NAA60: variants seen among roughly 807,000 people sequenced by gnomAD.
NAA60 encodes the protein N-alpha-acetyltransferase 60, NatF catalytic subunit, also known as N-alpha-acetyltransferase 60.
NAA60 carries 8 observed loss-of-function variants against 26.1 expected under a neutral mutation model. That is an observed-to-expected ratio of 0.31 (90% CI 0.18 to 0.55). NAA60 has a LOEUF of 0.55. NAA60 is among the 20% of genes least tolerant of loss of function. NAA60 has a pLI of 0.93. For synonymous variants in NAA60, 131 were observed against 122.5 expected (o/e 1.07, Z -0.46); for missense variants, 290 against 311.3 (o/e 0.93, Z 0.51).
chr16:3,484,660 G>A (rs1387206577), intron 6 of NAA60, 39 bp from the exon 7 acceptor site: 1 of 1,562,310 alleles, frequency 6.4e-7, no homozygotes, highest in Non-Finnish European at 8.7e-7. Flanking sequence ...TGGCGAGCGT[G>A]GTCAGGGCAA....
chr16:3,458,644 C>G (rs2035163687), intron 2 of NAA60, among the ~76,000 whole-genome samples: 1 of 152,158 alleles, frequency 6.6e-6, no homozygotes, highest in African/African-American at 2.4e-5. Flanking sequence ...ACTTGTTGCG[C>G]CGATTGGAGT....
intron 5 of NAA60, chr16:3,482,857 G>C: frequency 1.8e-6 from 1 of 556,894 alleles, no homozygotes; most frequent in Non-Finnish European, 3.2e-6. Context: ...CAGCCCCCAG[G>C]ATGGAGCTGA....
intron 2 of NAA60, among the ~76,000 whole-genome samples, chr16:3,456,207 G>A (rs2034986031): frequency 6.6e-6 from 1 of 152,188 alleles, no homozygotes; most frequent in Admixed American, 6.5e-5. Context: ...ACTCACATGG[G>A]GGTCTTGTTG....
At chr16:3,469,203 G>A (rs555395791) in intron 2 of NAA60, among the ~76,000 whole-genome samples, 1 of 152,358 alleles carries the variant, frequency 6.6e-6, no homozygotes, top group African/African-American at 2.4e-5. Context: ...AGATGGCTTG[G>A]GCAACTGTGA....
At chr16:3,447,723 G>T in intron 1 of NAA60, 1 of 727,822 alleles carries the variant, frequency 1.4e-6, no homozygotes, top group Non-Finnish European at 1.7e-6. Flanking sequence ...CTAGTCTCCA[G>T]TCTTATAAGG....
intron 2 of NAA60, among the ~76,000 whole-genome samples, chr16:3,473,502 C>T (rs1270932550): frequency 6.6e-6 from 1 of 152,194 alleles, no homozygotes; most frequent in East Asian, 1.9e-4. Context: ...AGTTATCTCC[C>T]ACCAGGTCCC....
intron 2 of NAA60, among the ~76,000 whole-genome samples, chr16:3,467,172 G>A (rs1211801168): frequency 6.6e-6 from 1 of 152,148 alleles, no homozygotes; most frequent in South Asian, 2.1e-4. Context: ...CCTTCCCAGC[G>A]ATCCTGAGGT....
intron 4 of NAA60, among the ~76,000 whole-genome samples, chr16:3,481,689 C>A (rs988055782): frequency 5.3e-5 from 8 of 152,178 alleles, no homozygotes; most frequent in Non-Finnish European, 1.0e-4. Context: ...AAAGTAGACC[C>A]TGTTAAGAGA....
chr16:3,453,847 C>G (rs1306758537), intron 2 of NAA60, among the ~76,000 whole-genome samples: 1 of 151,866 alleles, frequency 6.6e-6, no homozygotes, highest in Admixed American at 6.6e-5. Context: ...AAACCTGATC[C>G]CCAGTCCCTG....
chr16:3,471,044 T>G (rs2036105727), intron 2 of NAA60, among the ~76,000 whole-genome samples: 1 of 152,090 alleles, frequency 6.6e-6, no homozygotes, highest in South Asian at 2.1e-4. Flanking sequence ...AATCCGCAGA[T>G]CGTTGTGTAT....
intron 2 of NAA60, among the ~76,000 whole-genome samples, chr16:3,466,053 A>G (rs755629616): frequency 2.0e-5 from 3 of 152,214 alleles, no homozygotes; most frequent in Non-Finnish European, 2.9e-5. Flanking sequence ...CCAAGTGCAC[A>G]GCTTCACCCA....
chr16:3,448,612 T>A, intron 2 of NAA60, 72 bp downstream of exon 2: 1 of 1,299,360 alleles, frequency 7.7e-7, no homozygotes, highest in Non-Finnish European at 1.1e-6. Context: ...TTAAGTGAAA[T>A]CCATTTTTGA....
At chr16:3,482,074 A>G (rs1250526454) in intron 4 of NAA60, among the ~76,000 whole-genome samples, 1 of 152,034 alleles carries the variant, frequency 6.6e-6, no homozygotes, top group East Asian at 1.9e-4. Context: ...GCAGCGTGCG[A>G]TTCTTTAACT....
chr16:3,471,176 C>T (rs892245421), intron 2 of NAA60, among the ~76,000 whole-genome samples: 1 of 152,076 alleles, frequency 6.6e-6, no homozygotes, highest in Non-Finnish European at 1.5e-5. Flanking sequence ...GGTACCAAGC[C>T]ACAATATAGA....
intron 2 of NAA60, among the ~76,000 whole-genome samples, chr16:3,471,593 G>A (rs927761693): frequency 6.6e-6 from 1 of 152,154 alleles, no homozygotes; most frequent in African/African-American, 2.4e-5. Context: ...TCAAGGCCTT[G>A]CCAACCCCAC....
At chr16:3,459,391 G>C (rs1014501746) in intron 2 of NAA60, among the ~76,000 whole-genome samples, 1 of 152,020 alleles carries the variant, frequency 6.6e-6, no homozygotes, top group African/African-American at 2.4e-5. Context: ...AAGCATCTGG[G>C]GCAAAAACAA....
At chr16:3,462,921 G>T (rs2035504278) in intron 2 of NAA60, among the ~76,000 whole-genome samples, 1 of 152,056 alleles carries the variant, frequency 6.6e-6, no homozygotes, top group South Asian at 2.1e-4. Context: ...TTTTGAAATG[G>T]TTGTCTTAAA....
At chr16:3,449,301 G>A (rs1161519138) in intron 2 of NAA60, among the ~76,000 whole-genome samples, 4 of 152,184 alleles carry the variant, frequency 2.6e-5, no homozygotes, top group Non-Finnish European at 4.4e-5. Flanking sequence ...GGTGGATCAT[G>A]AGGTCAGGAG....
intron 5 of NAA60, 165 bp downstream of exon 5, chr16:3,482,763 A>G: frequency 1.6e-6 from 1 of 633,564 alleles, no homozygotes; most frequent in African/African-American, 1.8e-5. Context: ...CCAGACCTTC[A>G]TCATCCCTCC....
Sources: gnomAD v4.1 joint callset for allele counts (sites outside exome capture counted in the v4.1 genomes callset) on GRCh38, gnomAD v4.1.1 for gene constraint, MANE v1.5 for transcripts, NCBI Gene and HGNC (gene_info 2026-07-23, HGNC 2026-07-21) for gene names.